The following PTPRH variants were observed in gnomAD, a reference collection of about 807,000 sequenced individuals.
PTPRH encodes the protein protein tyrosine phosphatase receptor type H.
PTPRH carries 113 observed loss-of-function variants against 130.2 expected under a neutral mutation model. The ratio of observed to expected loss-of-function variants is 0.87; its 90% CI spans 0.75 to 1.01. The LOEUF is 1.01. Ranked by LOEUF, PTPRH falls within the 50% of genes least tolerant of loss-of-function variation. The pLI is 0.00. For missense variants in PTPRH, 1,430 were observed against 1,425.0 expected (o/e 1.00, Z -0.06); for synonymous variants, 556 against 577.9 (o/e 0.96, Z 0.54).
At chr19:55,201,204 G>A (rs942622984) in intron 6 of PTPRH, among the ~76,000 whole-genome samples, 6 of 151,826 alleles carry the variant, frequency 4.0e-5, no homozygotes, top group Non-Finnish European at 7.4e-5. Context: ...CACACAGCAA[G>A]ACCTCATCTC....
At chr19:55,192,030 T>C (rs748543971) in intron 10 of PTPRH, 3 of 549,078 alleles carry the variant, frequency 5.5e-6, no homozygotes, top group East Asian at 4.2e-5. Context: ...ATCTACTTAA[T>C]AAATAGCGAG....
Position 55,206,880 on chromosome 19 carries a change from T to C in PTPRH, c.161A>G (p.Asp54Gly). The change falls in exon 3 of 20, where the codon GAT (aspartate) becomes GGT (glycine). Residue 54 changes from aspartate to glycine, a missense_variant. Physicochemically the swap from Asp to Gly is moderately conservative, Grantham distance 94. Transcript: ENST00000376350. ...GTTGGAGTTCTGTGAGTCTAGGCCATCGGGGACCTCCCAGCTCAGGGAGAT... is the reference window on the plus strand; with the variant it reads ...GTTGGAGTTCTGTGAGTCTAGGCCACCGGGGACCTCCCAGCTCAGGGAGAT... The part of the protein sequence containing the change: ...SSISLSWEVP[D>G]GLDSQNSNYW... The C allele has an allele frequency of 6.2e-7, 1 of 1,613,848 alleles. No individual in the cohort carries two copies. Among genetic ancestry groups the C allele is most frequent in the Non-Finnish European group, 8.5e-7 (1 of 1,179,810 alleles).
In PTPRH at chr19:55,190,109, G is replaced by A. The variant is rs1160181981; in HGVS notation, c.2384+1392C>T. Among the ~76,000 whole-genome samples, 5 of 151,784 alleles carry A rather than the reference G, an allele frequency of 3.3e-5. No individual in the cohort carries two copies. In the South Asian group the frequency reaches 6.3e-4, roughly 19 times the overall value. ...AAATAGGCCAGGGGCTGTGGCTCAC[G>A]CCGGTAATCCCAGCACTCTGGGAGG... is the stretch of plus-strand genomic sequence containing the variant. On this transcript the variant is annotated intron_variant, in intron 12 of 19. Transcript: ENST00000376350.
chr19:55,187,353 A>AAAAAAAAG (rs1568894953), intron 14 of PTPRH, among the ~76,000 whole-genome samples, 160 bp downstream of exon 14: 2 of 139,510 alleles, frequency 1.4e-5, no homozygotes, highest in Non-Finnish European at 3.0e-5. Flanking sequence ...TCAAAAAAAA[A>AAAAAAAAG]AAAAAAAGAA....
Position 55,185,575 on chromosome 19 carries a change from G to C in PTPRH, c.2989C>G (p.Leu997Val). ...TGCCGAAGCATCCTCCAGAAAGCCA[G>C]CAAGGTGTCTGGGGAGGAGGGAACG... is the stretch of plus-strand genomic sequence containing the variant. ...HGVPSSPDTL[L>V]AFWRMLRQWL... is the part of the protein sequence containing the mutation. Residue 997 changes from leucine to valine, a missense_variant, in exon 18 of 20, where the codon CTG becomes GTG. Coordinates refer to ENST00000376350, the MANE Select transcript of PTPRH (RefSeq NM_002842.5). 6.2e-7 allele frequency: 1 copy of C among 1,614,212 alleles called. No individual in the cohort carries two copies. The highest frequency in any genetic ancestry group is 1.1e-5 in the South Asian group (1 of 91,088).
rs576265159 is a variant in PTPRH, at chr19:55,200,069, G to C, written c.1420+167C>G. ...CTGGATGGGCTCTCTTCTTCCTCAG[G>C]GCAGAGCCAGCCCCCAGCTGTGATT... On this transcript the variant is annotated intron_variant, in intron 7 of 19. Coordinates refer to ENST00000376350, the MANE Select transcript of PTPRH (RefSeq NM_002842.5). Among the ~76,000 whole-genome samples the C allele has an allele frequency of 2.6e-5, 4 of 152,266 alleles. No individual in the cohort carries two copies. The East Asian group carries it at 7.7e-4, about 29-fold the overall frequency.
rs200696715 is a variant in PTPRH at position 55,186,004 on chromosome 19, C to G, written c.2779-20G>C. On this transcript the variant is annotated intron_variant, in intron 16 of 19. Coordinates refer to ENST00000376350, the MANE Select transcript of PTPRH (RefSeq NM_002842.5). Reference sequence around the variant, plus strand: ...CTTCACCTGGGGGAGGAGGAGGGGTCAGAGAACACAACTCCTCTTACCCAG... The same window carrying G: ...CTTCACCTGGGGGAGGAGGAGGGGTGAGAGAACACAACTCCTCTTACCCAG... 6.2e-4 allele frequency: 1,003 copies of G among 1,613,762 alleles called. 5 individuals carry two copies. The African/African-American group carries it at 0.012, about 19-fold the overall frequency.
In PTPRH at chr19:55,207,517, G is replaced by A. The variant is rs73619570; in HGVS notation, c.52-318C>T. Among the ~76,000 whole-genome samples the A allele has an allele frequency of 3.6e-3, 552 of 152,322 alleles. 4 individuals are homozygous for A. Among genetic ancestry groups the A allele is most frequent in the African/African-American group, 0.012 (508 of 41,558 alleles). On this transcript the variant is annotated intron_variant, in intron 1 of 19. Transcript: ENST00000376350. ...AGGGCAGAGAGCAATGAACAGACTG[G>A]GAAGGGAGAAAAAAACCAAGGTTGG... is the stretch of plus-strand genomic sequence containing the variant.
chr19:55,203,473 C>T (rs966641897), intron 5 of PTPRH, among the ~76,000 whole-genome samples: 1 of 150,920 alleles, frequency 6.6e-6, no homozygotes, highest in African/African-American at 2.4e-5. Flanking sequence ...TGGAGTGCAG[C>T]AGTCCAATCA....
chr19:55,184,533 C>T (rs1160480229), intron 18 of PTPRH, among the ~76,000 whole-genome samples: 1 of 151,690 alleles, frequency 6.6e-6, no homozygotes, highest in Non-Finnish European at 1.5e-5. Context: ...TCACGCCTGT[C>T]ATCTCAGCAC....
Position 55,197,267 on chromosome 19 carries a change from G to A in PTPRH, c.1840C>T (p.Pro614Ser). The A allele has an allele frequency of 6.2e-7, 1 of 1,614,250 alleles. No homozygotes were observed. The highest frequency in any genetic ancestry group is 8.5e-7 in the Non-Finnish European group (1 of 1,180,050). Residue 614 changes from proline (P) to serine (S), a missense_variant, in exon 9 of 20, where the codon CCC becomes TCC. Transcript: ENST00000376350. The part of the protein sequence containing the change: ...SKGHPRRGQD[P>S]QANWVNQTSR... ...GTCTGGTTGACCCAATTCGCTTGGG[G>A]ATCTTGCCCCCTCCGGGGATGTCCC...
rs562888650 is a variant in PTPRH, at chr19:55,207,333, G to A, written c.52-134C>T. 5.7e-5 allele frequency: 55 copies of A among 968,546 alleles called. No homozygotes were observed. In the African/African-American group the frequency reaches 8.9e-4, roughly 16 times the overall value. The allele number at this position is 968,546 out of a possible 1,614,324, so 60.0% of individuals were successfully genotyped here. A position where few individuals can be genotyped will look rare whatever the true frequency, so the allele number is the denominator to read the frequency against. On this transcript the variant is annotated intron_variant, in intron 1 of 19. Coordinates refer to ENST00000376350, the MANE Select transcript of PTPRH (RefSeq NM_002842.5). ...CATGGGAAGGAGGGGCCGGTGTTAG[G>A]CTGGGCTGTCACGACCTCGACCGTC...
rs200923281 is a variant in PTPRH at position 55,207,192 on chromosome 19, C to T, written c.59G>A (p.Cys20Tyr). The T allele has an allele frequency of 5.0e-5, 80 of 1,613,406 alleles. No individual in the cohort carries two copies. Among genetic ancestry groups the T allele is most frequent in the Non-Finnish European group, 6.7e-5 (79 of 1,179,792 alleles). Reference sequence around the variant, plus strand: ...AGGCGCCCTGGCCCCTGTCCAGCTGCACAGGCCCTGGAGGGAACCCAGAGA... The same window carrying T: ...AGGCGCCCTGGCCCCTGTCCAGCTGTACAGGCCCTGGAGGGAACCCAGAGA... ...VWGNLVLLGL[C>Y]SWTGARAPAP... Residue 20 changes from cysteine to tyrosine, a missense_variant, in exon 2 of 20, where the codon TGC becomes TAC. Physicochemically the swap from Cys to Tyr is radical, Grantham distance 194. Transcript: ENST00000376350.
Position 55,182,033 on chromosome 19 carries a change from A to G in PTPRH, c.3181T>C (p.Leu1061=), listed in dbSNP as rs2086190475. ...FVRKMRESRP[L]MVQTEAQYVF... is the part of the protein sequence containing the mutation. The stretch of plus-strand genomic sequence containing the variant: ...TGCCTCACCTCAGTCTGCACCATCA[A>G]CGGCCGACTCTCTCTCATCTTCCTT... The change falls in exon 19 of 20, where the codon TTG becomes CTG. Residue 1061 remains leucine, a synonymous_variant. Coordinates refer to ENST00000376350, the MANE Select transcript of PTPRH (RefSeq NM_002842.5). 2 of 1,613,812 alleles carry G rather than the reference A, an allele frequency of 1.2e-6. No individual in the cohort carries two copies. Among genetic ancestry groups the G allele is most frequent in the East Asian group, 2.2e-5 (1 of 44,862 alleles).
chr19:55,183,847 G>C (rs1157465214), intron 18 of PTPRH, among the ~76,000 whole-genome samples: 1 of 152,108 alleles, frequency 6.6e-6, no homozygotes, highest in Non-Finnish European at 1.5e-5. Context: ...CGCCCATTAG[G>C]CCGTCTCTCC....
chr19:55,209,232 T>C lies in PTPRH; in HGVS notation c.51+151A>G. 1 of 722,366 alleles carries C rather than the reference T, an allele frequency of 1.4e-6. No homozygotes were observed. 44.7% of individuals were successfully genotyped at this position (722,366 alleles called of 1,614,324 possible). A position where few individuals can be genotyped will look rare whatever the true frequency, so the allele number is the denominator to read the frequency against. ...TAAGAGCCCAGGTGTAAGACTCTCC[T>C]ACAGTCTCTGCCAAGCCTGAAGCCC... On this transcript the variant is annotated intron_variant, in intron 1 of 19. Coordinates refer to ENST00000376350, the MANE Select transcript of PTPRH (RefSeq NM_002842.5). This position sits in a 1 kb window ranked among gnomAD's most constrained non-coding sequence, Gnocchi z 4.1.
chr19:55,207,582 C>A (rs1336646104), intron 1 of PTPRH, among the ~76,000 whole-genome samples: 1 of 149,702 alleles, frequency 6.7e-6, no homozygotes. Flanking sequence ...GGCCTGGGGG[C>A]CTGGGGGCCT....
chr19:55,185,638 C>T lies in PTPRH; in HGVS notation c.2926G>A (p.Val976Met), dbSNP rs751095187. ...CAGGCCTGGTAGTGGAATTGGCGCA[C>T]AGACAGTGTCTTCTGCTCCTCCACC... ...LQVEEQKTLS[V>M]RQFHYQAWPD... Residue 976 changes from valine (V) to methionine (M), a missense_variant, in exon 18 of 20, where the codon GTG (valine) becomes ATG (methionine). By Grantham distance (21) the Val-to-Met change is conservative. Transcript: ENST00000376350. 1.2e-6 allele frequency: 2 copies of T among 1,614,154 alleles called. No individual in the cohort carries two copies. Among genetic ancestry groups the T allele is most frequent in the South Asian group, 1.1e-5 (1 of 91,084 alleles).
Position 55,198,761 on chromosome 19 carries a change from G to A in PTPRH, c.1572C>T (p.Ser524=), listed in dbSNP as rs778658477. Residue 524 remains serine, a synonymous_variant, in exon 8 of 20, where the codon AGC becomes AGT. Transcript: ENST00000376350. ...REGMTDPRTQ[S]TSGTDITLKE... is the part of the protein sequence containing the mutation. The stretch of plus-strand genomic sequence containing the variant: ...TTAGGGTGATGTCAGTACCTGAGGT[G>A]CTTTGGGTCCTGGGGTCAGTCATGC... 6.2e-7 allele frequency: 1 copy of A among 1,614,116 alleles called. No individual in the cohort carries two copies. Among genetic ancestry groups the A allele is most frequent in the Non-Finnish European group, 8.5e-7 (1 of 1,179,992 alleles).
Sources: allele counts gnomAD v4.1 joint callset (sites outside exome capture counted in the v4.1 genomes callset), GRCh38; gene constraint gnomAD v4.1.1; non-coding constraint Gnocchi (gnomAD v3.1); transcripts MANE v1.5; gene names NCBI Gene and HGNC (gene_info 2026-07-23, HGNC 2026-07-21).